The following CNGB1 variants were observed in gnomAD, a reference collection of about 807,000 sequenced individuals.
The protein encoded by CNGB1 is cyclic nucleotide-gated channel beta-1.
In CNGB1, 126 loss-of-function variants were observed where a neutral mutation model predicts 151.7. The ratio of observed to expected loss-of-function variants is 0.83; its 90% CI spans 0.72 to 0.96. The LOEUF (loss-of-function observed/expected upper bound fraction) is 0.96. Among genes scored for constraint, CNGB1 ranks in the 40% least tolerant of loss-of-function variants. CNGB1 has a pLI of 0.00. For synonymous variants in CNGB1, 623 were observed against 635.1 expected, an observed-to-expected ratio of 0.98 and a Z score of 0.29; for missense variants, 1,698 against 1,627.0, an observed-to-expected ratio of 1.04 and a Z score of -0.75.
At chr16:57,886,601 C>A (rs535206943) in intron 32 of CNGB1, among the ~76,000 whole-genome samples, 3 of 152,320 alleles carry the variant, frequency 2.0e-5, no homozygotes, top group African/African-American at 7.2e-5. Context: ...ACTCTGACAC[C>A]AGGCTGGATT....
intron 15 of CNGB1, 30 bp from the exon 16 acceptor site, chr16:57,939,622 G>A (rs1174780463): frequency 2.5e-6 from 4 of 1,614,030 alleles, no homozygotes; most frequent in Non-Finnish European, 3.4e-6. Flanking sequence ...AACAGAAACT[G>A]TGACCATCAG....
intron 17 of CNGB1, among the ~76,000 whole-genome samples, chr16:57,925,953 G>T (rs1961174340): frequency 1.3e-5 from 2 of 152,168 alleles, no homozygotes; most frequent in African/African-American, 4.8e-5. Flanking sequence ...CTCCCAAAGT[G>T]CTGGGATTAC....
chr16:57,960,420 G>C, intron 9 of CNGB1, 62 bp downstream of exon 9: 2 of 1,576,700 alleles, frequency 1.3e-6, no homozygotes, highest in Non-Finnish European at 1.7e-6. Flanking sequence ...GGGCCCAGTT[G>C]ATCCCTGAGC....
intron 32 of CNGB1, among the ~76,000 whole-genome samples, chr16:57,885,505 C>T (rs1959892076): frequency 6.8e-6 from 1 of 147,802 alleles, no homozygotes; most frequent in African/African-American, 2.5e-5. Context: ...TTCTTTCCTT[C>T]TTTCCTTCCT....
At chr16:57,901,712 A>C in intron 27 of CNGB1, 87 bp from the exon 28 acceptor site, 32 of 999,874 alleles carry the variant, frequency 3.2e-5, no homozygotes, top group Non-Finnish European at 4.3e-5. Flanking sequence ...CTACTGGCTC[A>C]CCAGGGCACA....
chr16:57,899,366 G>A (rs1457813109), intron 29 of CNGB1, among the ~76,000 whole-genome samples: 1 of 152,142 alleles, frequency 6.6e-6, no homozygotes, highest in Non-Finnish European at 1.5e-5. Flanking sequence ...GGGGCCGGGT[G>A]CAGTGGCTCA....
At chr16:57,969,230 C>T (rs141909322) in intron 1 of CNGB1, among the ~76,000 whole-genome samples, 2,590 of 152,248 alleles carry the variant, frequency 0.017, 98 homozygotes, top group African/African-American at 0.059. Context: ...CACTTGAACC[C>T]GGGAGGCAGA....
Position 57,971,051 on chromosome 16 carries a change from C to T in CNGB1, c.-9+9G>A, listed in dbSNP as rs1190734019. On this transcript the variant is annotated intron_variant, in intron 1 of 32. Transcript: ENST00000251102. ...GGTCCCACCGAGCCTCCACCTCACCCTGAGTTACCTGCTTAGATGCCAACC... is the reference window on the plus strand; with the variant it reads ...GGTCCCACCGAGCCTCCACCTCACCTTGAGTTACCTGCTTAGATGCCAACC... 1 of 152,234 alleles carries T rather than the reference C, an allele frequency of 6.6e-6. No individual in the cohort carries two copies. Among genetic ancestry groups the T allele is most frequent in the Non-Finnish European group, 1.5e-5 (1 of 68,048 alleles). 9.4% of individuals were successfully genotyped at this position (152,234 alleles called of 1,614,324 possible). A position where few individuals can be genotyped will look rare whatever the true frequency, so the allele number is the denominator to read the frequency against.
At chr16:57,888,276 G>A (rs1959991355) in intron 31 of CNGB1, among the ~76,000 whole-genome samples, 1 of 152,090 alleles carries the variant, frequency 6.6e-6, no homozygotes, top group Admixed American at 6.5e-5. Context: ...ACTGTAATGA[G>A]GTGGGTCTTA....
At chr16:57,934,098 T>C (rs547109893) in intron 16 of CNGB1, among the ~76,000 whole-genome samples, 5 of 152,130 alleles carry the variant, frequency 3.3e-5, no homozygotes, top group East Asian at 1.9e-4. Context: ...TACTCTATAG[T>C]TTAATGGAGT....
rs1282520598 is a variant in CNGB1 at position 57,912,199 on chromosome 16, G to A, written c.2370-324C>T. On this transcript the variant is annotated intron_variant, in intron 24 of 32. Coordinates refer to ENST00000251102, the MANE Select transcript of CNGB1 (RefSeq NM_001297.5). ...GGGGCCATGTCGCCCCAGGAGAGAT[G>A]TGGACAGGAGCCTTGCTCCCTAGCA... 2.6e-5 allele frequency among the ~76,000 whole-genome samples: 4 copies of A among 152,110 alleles called. No homozygotes were observed. In the East Asian group the frequency reaches 7.7e-4, roughly 29 times the overall value.
chr16:57,958,605 G>T, intron 10 of CNGB1, 120 bp from the exon 11 acceptor site: 2 of 833,616 alleles, frequency 2.4e-6, no homozygotes, highest in Non-Finnish European at 3.9e-6. Context: ...CCTGCCAGGA[G>T]CCAGAGCCCA....
At chr16:57,940,210 G>A (rs765999702) in intron 15 of CNGB1, 24 bp downstream of exon 15, 72 of 1,548,488 alleles carry the variant, frequency 4.6e-5, no homozygotes, top group Non-Finnish European at 6.0e-5. Context: ...CCTCAGAGGT[G>A]CCAGTGCCTG....
rs2303783 is a variant in CNGB1, at chr16:57,931,816, G to T, written c.1435C>A (p.Leu479Ile). Residue 479 changes from leucine (L) to isoleucine (I), a missense_variant, in exon 17 of 33, where the codon CTC becomes ATC. By Grantham distance (5) the Leu-to-Ile change is conservative. Transcript: ENST00000251102. ...GAGGGTGGATTCTCTTCTGCCATGA[G>T]GGGGCAGCTATCAGCATCAGTATCT... ...VEDTDADSCP[L>I]MAEENPPSTV... The T allele has an allele frequency of 5.4e-4, 873 of 1,614,164 alleles. 15 individuals carry two copies. The East Asian group carries it at 0.016, about 29-fold the overall frequency.
intron 16 of CNGB1, among the ~76,000 whole-genome samples, chr16:57,935,756 C>CT (rs71385136): frequency 0.18 from 26,159 of 146,318 alleles, 4,595 homozygotes; most frequent in African/African-American, 0.46. Flanking sequence ...TTTCCTTTTT[C>CT]TTTTTTTTTT....
rs760347343 is a variant in CNGB1, at chr16:57,911,873, A to G, written c.2372T>C (p.Val791Ala). Reference sequence around the variant, plus strand: ...GAGAAGGTAGGCTGTGGTCCTGATGACCCTGCAGAAGGAACACAGCGCATG... The same window carrying G: ...GAGAAGGTAGGCTGTGGTCCTGATGGCCCTGCAGAAGGAACACAGCGCATG... Reference protein sequence around the residue: ...SILSKAYVYRVIRTTAYLLYS... With the variant: ...SILSKAYVYRAIRTTAYLLYS... The change falls in exon 25 of 33, where the codon GTC (valine) becomes GCC (alanine). Residue 791 changes from valine to alanine, a missense_variant and splice_region_variant. Physicochemically the swap from Val to Ala is moderately conservative, Grantham distance 64. Coordinates refer to ENST00000251102, the MANE Select transcript of CNGB1 (RefSeq NM_001297.5). The G allele has an allele frequency of 2.5e-6, 4 of 1,613,326 alleles. No homozygotes were observed. The highest frequency in any genetic ancestry group is 1.7e-5 in the Admixed American group (1 of 59,982).
At chr16:57,915,975 T>C (rs1179911705) in intron 22 of CNGB1, among the ~76,000 whole-genome samples, 154 bp downstream of exon 22, 3 of 151,638 alleles carry the variant, frequency 2.0e-5, no homozygotes. Context: ...GCTGGTCTCC[T>C]GGGGCTTGTG....
chr16:57,934,613 C>T (rs894643577), intron 16 of CNGB1, among the ~76,000 whole-genome samples: 31 of 152,040 alleles, frequency 2.0e-4, no homozygotes, highest in Non-Finnish European at 3.8e-4. Flanking sequence ...GGGGAGGACA[C>T]GAGATGATCT....
rs138917068 is a variant in CNGB1 at position 57,965,542 on chromosome 16, TC to T, written c.160-999del. On this transcript the variant is annotated intron_variant, in intron 2 of 32. Transcript: ENST00000251102. Reference sequence around the variant, plus strand: ...ATATTTGCACATACACAGAAGCATGTCCATATGGACATGCATATACACACAG... The same window carrying T: ...ATATTTGCACATACACAGAAGCATGTCATATGGACATGCATATACACACAG... Among the ~76,000 whole-genome samples the T allele has an allele frequency of 4.7e-3, 717 of 152,098 alleles. 7 individuals are homozygous for T. The highest frequency in any genetic ancestry group is 0.017 in the African/African-American group (687 of 41,486).
Sources: gnomAD v4.1 joint callset for allele counts (sites outside exome capture counted in the v4.1 genomes callset) on GRCh38, gnomAD v4.1.1 for gene constraint, MANE v1.5 for transcripts, NCBI Gene and HGNC (gene_info 2026-07-23, HGNC 2026-07-21) for gene names.